Variants in KIDINS220 observed in about 807,000 individuals in gnomAD.
The protein encoded by KIDINS220 is kinase D-interacting substrate of 220 kDa.
A neutral mutation model predicts 157.6 loss-of-function variants in KIDINS220; 63 were observed. That is an observed-to-expected ratio of 0.40 (90% CI 0.33 to 0.49). The LOEUF (loss-of-function observed/expected upper bound fraction) is 0.49, where lower values mean the gene tolerates loss of function less well. Among genes scored for constraint, KIDINS220 ranks in the 20% least tolerant of loss-of-function variants. The pLI, the probability that KIDINS220 is intolerant of heterozygous loss-of-function variation, is 0.66. For synonymous variants in KIDINS220, 732 were observed against 783.6 expected, an observed-to-expected ratio of 0.93 and a Z score of 1.10; for missense variants, 1,772 against 2,171.2, an observed-to-expected ratio of 0.82 and a Z score of 3.65.
chr2:8,814,990 C>T (rs1676854525), intron 4 of KIDINS220, among the ~76,000 whole-genome samples: 2 of 152,210 alleles, frequency 1.3e-5, no homozygotes, highest in South Asian at 2.1e-4. Context: ...CCACAAAAGA[C>T]ACAATTTAGG....
At chr2:8,808,564 C>T (rs1675839797) in intron 6 of KIDINS220, among the ~76,000 whole-genome samples, 1 of 152,244 alleles carries the variant, frequency 6.6e-6, no homozygotes, top group Non-Finnish European at 1.5e-5. Context: ...GACCTTCCCT[C>T]ACCTTGCATG....
At chr2:8,803,617 T>C (rs1254889272) in intron 7 of KIDINS220, among the ~76,000 whole-genome samples, 1 of 152,176 alleles carries the variant, frequency 6.6e-6, no homozygotes, top group South Asian at 2.1e-4. Context: ...TCAAGAAAAG[T>C]GTAATATACT....
In KIDINS220 at chr2:8,791,210, T is replaced by G. The variant is rs1386421508; in HGVS notation, c.1291A>C (p.Thr431Pro). ...CCAAGCATGTCACCGTCTGTTTCAGTAGGAGACAAGTGTCCTGTAATTAAA... is the reference window on the plus strand; with the variant it reads ...CCAAGCATGTCACCGTCTGTTTCAGGAGGAGACAAGTGTCCTGTAATTAAA... ...QIFGARHLSP[T>P]ETDGDMLGYD... Residue 431 changes from threonine (T) to proline (P), a missense_variant, in exon 13 of 30, where the codon ACT (threonine) becomes CCT (proline). Coordinates refer to ENST00000256707, the MANE Select transcript of KIDINS220 (RefSeq NM_020738.4). The G allele has an allele frequency of 6.2e-7, 1 of 1,613,568 alleles. No homozygotes were observed. Among genetic ancestry groups the G allele is most frequent in the Admixed American group, 1.7e-5 (1 of 59,998 alleles).
intron 22 of KIDINS220, among the ~76,000 whole-genome samples, chr2:8,755,186 A>G (rs1667855688): frequency 6.6e-6 from 1 of 152,228 alleles, no homozygotes; most frequent in Non-Finnish European, 1.5e-5. Context: ...ATACCTCAGG[A>G]GCTGGCTACA....
intron 26 of KIDINS220, among the ~76,000 whole-genome samples, chr2:8,742,701 T>C (rs1029790975): frequency 6.6e-6 from 1 of 152,192 alleles, no homozygotes; most frequent in Admixed American, 6.5e-5. Context: ...ATAAAACCGA[T>C]AATTCCCTCG....
intron 17 of KIDINS220, among the ~76,000 whole-genome samples, chr2:8,784,082 C>T (rs533731127): frequency 6.6e-6 from 1 of 150,974 alleles, no homozygotes; most frequent in South Asian, 2.1e-4. Context: ...AGAAAGAGCC[C>T]AGAAACAGAC....
intron 1 of KIDINS220, among the ~76,000 whole-genome samples, chr2:8,834,841 T>G (rs868709750): frequency 1.3e-5 from 2 of 152,078 alleles, no homozygotes; most frequent in African/African-American, 2.4e-5. Flanking sequence ...ATGTATGTAT[T>G]TAGTTATTTA....
At chr2:8,822,326 A>T (rs562212717) in intron 2 of KIDINS220, among the ~76,000 whole-genome samples, 2 of 152,124 alleles carry the variant, frequency 1.3e-5, no homozygotes, top group Non-Finnish European at 2.9e-5. Flanking sequence ...AATTTCCTTT[A>T]AAGTCTATTT....
At chr2:8,790,225 C>G (rs187021499) in intron 13 of KIDINS220, among the ~76,000 whole-genome samples, 166 bp from the exon 14 acceptor site, 1 of 152,216 alleles carries the variant, frequency 6.6e-6, no homozygotes, top group Admixed American at 6.5e-5. Flanking sequence ...GTTCTCTTGC[C>G]AAAGATGAAC....
Position 8,751,496 on chromosome 2 carries a change from G to A in KIDINS220, c.3160C>T (p.Leu1054=), listed in dbSNP as rs1193604359. The A allele has an allele frequency of 3.1e-6, 5 of 1,612,344 alleles. No homozygotes were observed. The African/African-American group carries it at 6.7e-5, about 22-fold the overall frequency. ...VKVFLPCTVN[L]DPKLREIIAD... The stretch of plus-strand genomic sequence containing the variant: ...ATAATTTCCCGTAGTTTGGGATCTA[G>A]GTTTACAGTGCATGGCAAAAAGACT... Residue 1054 remains leucine (L), a synonymous_variant, in exon 23 of 30, where the codon CTA becomes TTA. Transcript: ENST00000256707.
intron 2 of KIDINS220, among the ~76,000 whole-genome samples, chr2:8,820,927 T>A (rs1428036998): frequency 3.3e-5 from 5 of 152,186 alleles, no homozygotes; most frequent in African/African-American, 1.2e-4. Flanking sequence ...AAGTCAGGTA[T>A]CAAAGTCATT....
At chr2:8,763,955 C>T (rs946900782) in intron 22 of KIDINS220, among the ~76,000 whole-genome samples, 1 of 152,196 alleles carries the variant, frequency 6.6e-6, no homozygotes, top group Non-Finnish European at 1.5e-5. Context: ...ATGTTTATAG[C>T]AGCACAATTC....
At position 8,781,616 on chromosome 2, in the gene KIDINS220, T is replaced by C. The variant is rs140347169; in HGVS notation, c.2230-1802A>G. On this transcript the variant is annotated intron_variant, in intron 17 of 29. Transcript: ENST00000256707. ...CTAGAAGTCAAAAACAGAACGATAATTGGAAAATCCCAAAACATGCAGAGA... is the reference window on the plus strand; with the variant it reads ...CTAGAAGTCAAAAACAGAACGATAACTGGAAAATCCCAAAACATGCAGAGA... Among the ~76,000 whole-genome samples the C allele has an allele frequency of 4.4e-4, 67 of 152,156 alleles. 1 individual carries two copies. Among genetic ancestry groups the C allele is most frequent in the African/African-American group, 1.0e-3 (43 of 41,510 alleles).
At chr2:8,747,057 G>A in intron 26 of KIDINS220, 88 bp downstream of exon 26, 1 of 1,168,022 alleles carries the variant, frequency 8.6e-7, no homozygotes, top group Admixed American at 1.7e-5. Flanking sequence ...CAGAGTTAGT[G>A]AGCTGCTATC....
chr2:8,744,734 T>A (rs1332151564), intron 26 of KIDINS220, among the ~76,000 whole-genome samples: 1 of 152,022 alleles, frequency 6.6e-6, no homozygotes, highest in Non-Finnish European at 1.5e-5. Flanking sequence ...TGTTCCCATG[T>A]TCTGATTCTT....
At position 8,731,005 on chromosome 2, in the gene KIDINS220, G is replaced by C; in HGVS notation, c.5031C>G (p.Asn1677Lys). The C allele has an allele frequency of 1.9e-6, 3 of 1,614,144 alleles. No individual in the cohort carries two copies. In the South Asian group the frequency reaches 3.3e-5, roughly 18 times the overall value. The change falls in exon 30 of 30, where the codon AAC becomes AAG. Residue 1677 changes from asparagine (N) to lysine (K), a missense_variant. Coordinates refer to ENST00000256707, the MANE Select transcript of KIDINS220 (RefSeq NM_020738.4). This position sits in a 1 kb window ranked among gnomAD's most constrained non-coding sequence, Gnocchi z 5.2. ...TCAGAGTCACGGTGCTGGGAGTTCG[G>C]TTCAGGTTGTAGGCTTTCTGGCATG... ...WPACQKAYNL[N>K]RTPSTVTLNN...
chr2:8,764,950 G>T (rs1669265780), intron 22 of KIDINS220, among the ~76,000 whole-genome samples: 1 of 152,102 alleles, frequency 6.6e-6, no homozygotes, highest in East Asian at 1.9e-4. Flanking sequence ...TGTATAAGAA[G>T]GTAACTATGG....
At chr2:8,735,636 A>G (rs766756428) in intron 27 of KIDINS220, among the ~76,000 whole-genome samples, 4 of 152,216 alleles carry the variant, frequency 2.6e-5, no homozygotes, top group Non-Finnish European at 5.9e-5. Flanking sequence ...AATAATAGGT[A>G]GCTTACTGCT....
intron 22 of KIDINS220, among the ~76,000 whole-genome samples, chr2:8,755,385 C>A (rs1261308305): frequency 6.6e-6 from 1 of 152,172 alleles, no homozygotes; most frequent in Non-Finnish European, 1.5e-5. Flanking sequence ...GTTTATCTCC[C>A]AATCTAGACT....
Sources: gnomAD v4.1 joint callset for allele counts (sites outside exome capture counted in the v4.1 genomes callset) on GRCh38, gnomAD v4.1.1 for gene constraint, Gnocchi (gnomAD v3.1) non-coding constraint, MANE v1.5 for transcripts, NCBI Gene and HGNC (gene_info 2026-07-23, HGNC 2026-07-21) for gene names.